Variants in TJP2 observed in about 807,000 individuals in gnomAD.
TJP2 encodes Friedreich ataxia region gene X104 (tight junction protein ZO-2).
TJP2 carries 91 observed loss-of-function variants against 133.1 expected under a neutral mutation model. The observed-to-expected ratio is 0.68, with a 90% confidence interval of 0.58 to 0.81. The LOEUF is 0.81. Ranked by LOEUF, TJP2 falls within the 40% of genes least tolerant of loss-of-function variation. The pLI, the probability that TJP2 is intolerant of heterozygous loss-of-function variation, is 0.00. For synonymous variants in TJP2, 592 were observed against 583.4 expected (o/e 1.01, Z -0.21); for missense variants, 1,541 against 1,565.6 (o/e 0.98, Z 0.26).
Position 69,255,128 on chromosome 9 carries a change from A to G in TJP2, c.*754A>G, listed in dbSNP as rs559447067. On this transcript the variant is annotated 3_prime_UTR_variant, in exon 23 of 23. Coordinates refer to ENST00000377245, the MANE Select transcript of TJP2 (RefSeq NM_004817.4). ...GCTGCACAAAAGCAGATACTTGAGG[A>G]AAACACTATTTCCAAAAGCACATGT... 1 of 152,800 alleles carries G rather than the reference A, an allele frequency of 6.5e-6. No homozygotes were observed. Among genetic ancestry groups the G allele is most frequent in the Non-Finnish European group, 1.5e-5 (1 of 68,310 alleles). The allele number at this position is 152,800 out of a possible 1,614,324, so 9.5% of individuals were successfully genotyped here.
intron 1 of TJP2, among the ~76,000 whole-genome samples, chr9:69,135,491 A>T (rs62567100): frequency 2.5e-3 from 387 of 152,222 alleles, no homozygotes; most frequent in Middle Eastern, 0.01. Context: ...CCCAGGCTGG[A>T]GTACAGTGAC....
At chr9:69,153,898 T>G (rs557790665) in intron 2 of TJP2, among the ~76,000 whole-genome samples, 48 of 152,268 alleles carry the variant, frequency 3.2e-4, no homozygotes, top group Non-Finnish European at 6.0e-4. Context: ...CAGCCTTGGG[T>G]GAGCTTGAGT....
intron 5 of TJP2, among the ~76,000 whole-genome samples, chr9:69,223,713 T>A (rs1024748886): frequency 3.3e-5 from 5 of 152,220 alleles, no homozygotes; most frequent in African/African-American, 1.2e-4. Flanking sequence ...TGTGAGGCTG[T>A]TTGACCACTA....
At chr9:69,223,115 A>G (rs1474083918) in intron 5 of TJP2, among the ~76,000 whole-genome samples, 3 of 145,746 alleles carry the variant, frequency 2.1e-5, no homozygotes, top group East Asian at 4.1e-4. Context: ...GGGCCCTCAG[A>G]GTCTCTATGT....
At chr9:69,234,612 T>C (rs1830047987) in intron 12 of TJP2, 65 bp downstream of exon 12, 2 of 827,380 alleles carry the variant, frequency 2.4e-6, no homozygotes, top group Non-Finnish European at 4.0e-6. Flanking sequence ...ATGAGAGAGG[T>C]GTCTTGGTAC....
At chr9:69,154,704 C>T (rs1212285534) in intron 2 of TJP2, among the ~76,000 whole-genome samples, 3 of 151,172 alleles carry the variant, frequency 2.0e-5, no homozygotes, top group Non-Finnish European at 4.4e-5. Flanking sequence ...GCAGGAGGAG[C>T]CCTTGAGCCC....
chr9:69,135,674 C>T lies in TJP2; in HGVS notation c.-131+13949C>T, dbSNP rs1195447388. 4.0e-5 allele frequency among the ~76,000 whole-genome samples: 6 copies of T among 151,744 alleles called. No individual in the cohort carries two copies. In the East Asian group the frequency reaches 9.7e-4, roughly 24 times the overall value. ...AGGCTGGAGTGCAGTGGCGTGATCT[C>T]GGCTCACTGCAACCTCCACCTCCCG... On this transcript the variant is annotated intron_variant, in intron 1 of 5. Transcript: ENST00000423935.
intron 17 of TJP2, among the ~76,000 whole-genome samples, chr9:69,243,991 C>G (rs186673151): frequency 4.6e-5 from 7 of 152,066 alleles, no homozygotes; most frequent in Non-Finnish European, 8.8e-5. Flanking sequence ...TGAGACCAGC[C>G]TGGGCAACAT....
intron 17 of TJP2, among the ~76,000 whole-genome samples, chr9:69,242,015 C>T (rs915914794): frequency 6.6e-6 from 1 of 152,204 alleles, no homozygotes; most frequent in African/African-American, 2.4e-5. Context: ...AAATAGCGAG[C>T]GTCTTCCCTC....
chr9:69,218,970 A>ATTT lies in TJP2; in HGVS notation c.342+625_342+627dup, dbSNP rs749157849. Among the ~76,000 whole-genome samples, 125 of 59,798 alleles carry ATTT rather than the reference A, an allele frequency of 2.1e-3. 1 individual carries two copies. The highest frequency in any genetic ancestry group is 7.8e-3 in the African/African-American group (121 of 15,550). 39.2% of individuals were successfully genotyped at this position (59,798 alleles called of 152,430 possible). A position where few individuals can be genotyped will look rare whatever the true frequency, so the allele number is the denominator to read the frequency against. On this transcript the variant is annotated intron_variant, in intron 4 of 22. Coordinates refer to ENST00000377245, the MANE Select transcript of TJP2 (RefSeq NM_004817.4). ...TATATGGTTGTGTGTGTGTGTGTGT[A>ATTT]TTTTTTTTTTTTTTTTGAGACAGAG...
intron 1 of TJP2, among the ~76,000 whole-genome samples, chr9:69,139,894 G>A (rs1006685594): frequency 5.9e-5 from 9 of 152,144 alleles, no homozygotes; most frequent in African/African-American, 1.9e-4. Context: ...GGGCCTTCCT[G>A]GCCAGCAGGA....
At chr9:69,190,846 A>G (rs1826157023) in intron 1 of TJP2, among the ~76,000 whole-genome samples, 1 of 152,200 alleles carries the variant, frequency 6.6e-6, no homozygotes, top group Admixed American at 6.5e-5. Context: ...CTGTTCTTGC[A>G]TTTTAAATGG....
Position 69,251,295 on chromosome 9 carries a change from A to G in TJP2, c.3252A>G (p.Ile1084Met), listed in dbSNP as rs766389381. The G allele has an allele frequency of 6.2e-7, 1 of 1,614,192 alleles. No homozygotes were observed. The highest frequency in any genetic ancestry group is 8.5e-7 in the Non-Finnish European group (1 of 1,180,040). ...APKSVLGKVK[I>M]FEKMDHKARL... Reference sequence around the variant, plus strand: ...AATCAGTCCTGGGCAAAGTCAAAATATTTGAGAAGATGGATCACAAGGCCA... The same window carrying G: ...AATCAGTCCTGGGCAAAGTCAAAATGTTTGAGAAGATGGATCACAAGGCCA... The change falls in exon 21 of 23, where the codon ATA (isoleucine) becomes ATG (methionine). Residue 1084 changes from isoleucine to methionine, a missense_variant. Coordinates refer to ENST00000377245, the MANE Select transcript of TJP2 (RefSeq NM_004817.4).
At position 69,221,423 on chromosome 9, in the gene TJP2, G is replaced by C. The variant is rs1307521101; in HGVS notation, c.879G>C (p.Arg293=). The change falls in exon 5 of 23, where the codon CGG becomes CGC. Residue 293 remains arginine, a synonymous_variant. Transcript: ENST00000377245. ...GCAGCCGCGAGCACCCGCACTCACG[G>C]AGCCCCAGCCCCGAGCCTAGGGGGC... ...RSRSREHPHS[R]SPSPEPRGRP... 1.9e-6 allele frequency: 3 copies of C among 1,587,404 alleles called. No homozygotes were observed. In the South Asian group the frequency reaches 3.4e-5, roughly 18 times the overall value.
intron 22 of TJP2, chr9:69,253,375 A>G (rs1194255375): frequency 6.2e-6 from 1 of 161,784 alleles, no homozygotes; most frequent in Non-Finnish European, 1.4e-5. Flanking sequence ...GAATGTTCAC[A>G]GTGTCTTCCT....
At chr9:69,216,951 C>G (rs1462185170) in intron 3 of TJP2, among the ~76,000 whole-genome samples, 1 of 151,580 alleles carries the variant, frequency 6.6e-6, no homozygotes, top group East Asian at 1.9e-4. Flanking sequence ...GAAGAAGTAA[C>G]ACCATTTTAT....
Position 69,124,172 on chromosome 9 carries a change from G to T in TJP2, c.-131+2447G>T, listed in dbSNP as rs188611942. 3.4e-3 allele frequency among the ~76,000 whole-genome samples: 246 copies of T among 72,170 alleles called. 89 individuals are homozygous for T. The highest frequency in any genetic ancestry group is 0.01 in the African/African-American group (239 of 23,206). 47.3% of individuals were successfully genotyped at this position (72,170 alleles called of 152,430 possible). ...TGGGATTACAGGCCTGAGCCACGGC[G>T]CCCAGCCTTATTTTATTTTTTGAGA... is the stretch of plus-strand genomic sequence containing the variant. On this transcript the variant is annotated intron_variant, in intron 1 of 5. Transcript: ENST00000423935.
At position 69,174,415 on chromosome 9, in the gene TJP2, C is replaced by A; in HGVS notation, c.43C>A (p.Leu15Met). 1 of 1,551,702 alleles carries A rather than the reference C, an allele frequency of 6.4e-7. No homozygotes were observed. Among genetic ancestry groups the A allele is most frequent in the African/African-American group, 1.4e-5 (1 of 73,262 alleles). ...CCGCGGGTTTCCACCCCGGCGGGAG[C>A]TGTCAGGTTGGCTCCGCGTAAGTGC... ...GDRGFPPRRE[L>M]SGWLRAPGME... The change falls in exon 1 of 23, where the codon CTG becomes ATG. Residue 15 changes from leucine (L) to methionine (M), a missense_variant. By Grantham distance (15) the Leu-to-Met change is conservative. Transcript: ENST00000377245.
rs942490676 is a variant in TJP2 at position 69,161,786 on chromosome 9, G to A, written c.-10+10015G>A. 3.3e-5 allele frequency among the ~76,000 whole-genome samples: 5 copies of A among 149,914 alleles called. 1 individual carries two copies. In the South Asian group the frequency reaches 8.4e-4, roughly 25 times the overall value. On this transcript the variant is annotated intron_variant, in intron 2 of 5. Coordinates refer to the TJP2 transcript ENST00000423935. ...TAATTGACCGGGTGTGGTGGCTCAC[G>A]CCTGTAATCCTAGCACTTTGGAAGG...
Sources: gnomAD v4.1 joint callset for allele counts (sites outside exome capture counted in the v4.1 genomes callset) on GRCh38, gnomAD v4.1.1 for gene constraint, MANE v1.5 for transcripts, NCBI Gene and HGNC (gene_info 2026-07-23, HGNC 2026-07-21) for gene names.